Variants in ZNF41 observed in about 807,000 individuals in gnomAD.
The protein encoded by ZNF41 is zinc finger protein 41.
A neutral mutation model predicts 9.3 loss-of-function variants in ZNF41; 6 were observed. The ratio of observed to expected loss-of-function variants is 0.65; its 90% CI spans 0.35 to 1.28. The LOEUF is 1.28. Ranked by LOEUF, ZNF41 falls within the 50% of genes most tolerant of loss-of-function variation. The pLI is 0.03. For synonymous variants in ZNF41, 192 were observed against 207.1 expected, an observed-to-expected ratio of 0.93 and a Z score of 0.63; for missense variants, 523 against 585.8, an observed-to-expected ratio of 0.89 and a Z score of 1.11.
At chrX:47,464,425 G>C (rs1409515587) in intron 2 of ZNF41, among the ~76,000 whole-genome samples, 1 of 111,343 alleles carries the variant, frequency 9.0e-6, no homozygotes, top group African/African-American at 3.3e-5. Context: ...ACTGTTTCTT[G>C]GTACAACTGG....
In ZNF41 at chrX:47,472,091, TC is replaced by T. The variant is rs201367703; in HGVS notation, c.-279-4332del. 5.7e-3 allele frequency among the ~76,000 whole-genome samples: 636 copies of T among 111,814 alleles called. 4 individuals carry two copies. Among genetic ancestry groups the T allele is most frequent in the African/African-American group, 0.019 (593 of 30,920 alleles). On this transcript the variant is annotated intron_variant, in intron 1 of 4. Transcript: ENST00000684689. ...CACTTTGAAAAACTGTTTGGTAGTA[TC>T]TATTAATGGTGAATACATGCAACAT...
Position 47,470,006 on chromosome X carries a change from T to C in ZNF41, c.-279-2246A>G, listed in dbSNP as rs145191210. ...TGGATTTAGTAATATAGAAAATATA[T>C]ACAATCATATTTGTAAGGAAGGTAA... On this transcript the variant is annotated intron_variant, in intron 1 of 4. Coordinates refer to ENST00000684689, the MANE Select transcript of ZNF41 (RefSeq NM_001324144.2). Among the ~76,000 whole-genome samples, 411 of 111,778 alleles carry C rather than the reference T, an allele frequency of 3.7e-3. 3 individuals are homozygous for C. The highest frequency in any genetic ancestry group is 0.013 in the African/African-American group (402 of 30,879).
At chrX:47,478,074 T>A (rs758201885) in intron 1 of ZNF41, among the ~76,000 whole-genome samples, 1 of 112,343 alleles carries the variant, frequency 8.9e-6, no homozygotes, top group South Asian at 3.7e-4. Context: ...AGAATGGTGG[T>A]TGCCAGGGGC....
intron 1 of ZNF41, among the ~76,000 whole-genome samples, chrX:47,469,622 G>A (rs948268342): frequency 2.7e-5 from 3 of 112,189 alleles, no homozygotes; most frequent in Non-Finnish European, 5.6e-5. Flanking sequence ...ACTCACGCCT[G>A]TAATTCCAGC....
intron 1 of ZNF41, chrX:47,477,235 CCGGGCTCAAG>C (rs1243631517): frequency 9.1e-6 from 1 of 109,720 alleles, no homozygotes; most frequent in Non-Finnish European, 1.9e-5. Context: ...CCTCTGCCTT[CCGGGCTCAAG>C]CGATTCTCCT....
chrX:47,450,714 T>C (rs1203417566), intron 4 of ZNF41, among the ~76,000 whole-genome samples: 3 of 111,801 alleles, frequency 2.7e-5, no homozygotes, highest in Non-Finnish European at 5.6e-5. Flanking sequence ...AGAAGTGATA[T>C]ATGCTACTTG....
At chrX:47,478,840 G>A (rs185949111) in intron 1 of ZNF41, among the ~76,000 whole-genome samples, 1 of 109,151 alleles carries the variant, frequency 9.2e-6, no homozygotes, top group African/African-American at 3.3e-5. Flanking sequence ...GGCTGAGGCA[G>A]GGAGAATTGC....
At chrX:47,452,514 C>G (rs1238730248) in intron 4 of ZNF41, among the ~76,000 whole-genome samples, 1 of 111,764 alleles carries the variant, frequency 8.9e-6, no homozygotes, top group Non-Finnish European at 1.9e-5. Flanking sequence ...CCTACAAGGT[C>G]TGAATTTCAT....
chrX:47,470,242 T>C (rs1185726648), intron 1 of ZNF41, among the ~76,000 whole-genome samples: 1 of 107,159 alleles, frequency 9.3e-6, no homozygotes, highest in East Asian at 2.9e-4. Context: ...TGAAACCCCG[T>C]CTCTACTAAA....
intron 1 of ZNF41, among the ~76,000 whole-genome samples, chrX:47,478,961 G>C (rs1027636607): frequency 3.6e-5 from 4 of 111,178 alleles, no homozygotes; most frequent in Non-Finnish European, 7.5e-5. Context: ...AATCATAAAA[G>C]ACCACGTTTT....
chrX:47,480,767 T>C (rs1270048244), intron 1 of ZNF41, among the ~76,000 whole-genome samples: 1 of 106,364 alleles, frequency 9.4e-6, no homozygotes, highest in African/African-American at 3.4e-5. Context: ...GTTCAGTCAC[T>C]AGTTGTCAGG....
Position 47,447,337 on chromosome X carries a change from C to T in ZNF41, c.*93G>A, listed in dbSNP as rs1317841999. On this transcript the variant is annotated 3_prime_UTR_variant, in exon 5 of 5. Transcript: ENST00000684689. The stretch of plus-strand genomic sequence containing the variant: ...AGCCTCAGTCTCTCATACCCATTTC[C>T]CCCTGTACAATGATTGCAGCAACAG... 10 of 1,123,960 alleles carry T rather than the reference C, an allele frequency of 8.9e-6. No homozygotes were observed. The highest frequency in any genetic ancestry group is 3.7e-5 in the South Asian group (2 of 54,490). The allele number at this position is 1,123,960 out of a possible 1,213,427, so 92.6% of individuals were successfully genotyped here. A position where few individuals can be genotyped will look rare whatever the true frequency, so the allele number is the denominator to read the frequency against.
chrX:47,469,560 C>CAT (rs2057115051), intron 1 of ZNF41, among the ~76,000 whole-genome samples: 1 of 111,031 alleles, frequency 9.0e-6, no homozygotes, highest in Non-Finnish European at 1.9e-5. Context: ...GTAAATAAGG[C>CAT]TGTTACTATT....
chrX:47,461,836 G>A (rs1171747403), intron 2 of ZNF41, among the ~76,000 whole-genome samples: 55 of 100,005 alleles, frequency 5.5e-4, no homozygotes, highest in Middle Eastern at 6.8e-3. Context: ...AGCCTCCTTA[G>A]TAGCTGAGAC....
chrX:47,474,627 A>G (rs1277835369), intron 1 of ZNF41, among the ~76,000 whole-genome samples: 1 of 110,830 alleles, frequency 9.0e-6, no homozygotes, highest in African/African-American at 3.3e-5. Flanking sequence ...CTGTAATCCC[A>G]GCACTTTGGG....
At chrX:47,468,534 G>A (rs764689889) in intron 1 of ZNF41, among the ~76,000 whole-genome samples, 3 of 111,112 alleles carry the variant, frequency 2.7e-5, no homozygotes, top group Non-Finnish European at 5.7e-5. Context: ...TGTCCCAAAT[G>A]GTGTCATCAA....
intron 1 of ZNF41, among the ~76,000 whole-genome samples, chrX:47,476,409 T>C (rs779885558): frequency 9.0e-6 from 1 of 111,695 alleles, no homozygotes. Flanking sequence ...AGGAAATACA[T>C]GCAAATCGCA....
rs1312295694 is a variant in ZNF41, at chrX:47,447,520, T to C, written c.2250A>G (p.Thr750=). Residue 750 remains threonine, a synonymous_variant, in exon 5 of 5, where the codon ACA becomes ACG. Coordinates refer to ENST00000684689, the MANE Select transcript of ZNF41 (RefSeq NM_001324144.2). ...IHTGKKPYAC[T]ECQKAFTDRS... is the part of the protein sequence containing the mutation. The stretch of plus-strand genomic sequence containing the variant: ...TGTCAGTAAAGGCCTTCTGACATTC[T>C]GTACAAGCATAAGGTTTCTTTCCTG... 1 of 1,211,953 alleles carries C rather than the reference T, an allele frequency of 8.3e-7. No homozygotes were observed. The highest frequency in any genetic ancestry group is 1.1e-6 in the Non-Finnish European group (1 of 895,508).
At chrX:47,452,606 T>G (rs1194627463) in intron 4 of ZNF41, among the ~76,000 whole-genome samples, 1 of 111,921 alleles carries the variant, frequency 8.9e-6, no homozygotes, top group Non-Finnish European at 1.9e-5. Context: ...CTGCTATTCC[T>G]TTATTCTTCA....
Sources: gnomAD v4.1 joint callset for allele counts (sites outside exome capture counted in the v4.1 genomes callset) on GRCh38, gnomAD v4.1.1 for gene constraint, MANE v1.5 for transcripts, NCBI Gene and HGNC (gene_info 2026-07-23, HGNC 2026-07-21) for gene names.